The following LAMA3 variants were observed in gnomAD, a reference collection of about 807,000 sequenced individuals.
LAMA3 encodes the protein laminin subunit alpha-3.
LAMA3 carries 281 observed loss-of-function variants against 402.0 expected under a neutral mutation model. That is an observed-to-expected ratio of 0.70 (90% CI 0.63 to 0.77). The LOEUF is 0.77. Ranked by LOEUF, LAMA3 falls within the 30% of genes least tolerant of loss-of-function variation. LAMA3 has a pLI of 0.00. For missense variants in LAMA3, 3,840 were observed against 4,215.5 expected, an observed-to-expected ratio of 0.91 and a Z score of 2.47; for synonymous variants, 1,431 against 1,558.4, an observed-to-expected ratio of 0.92 and a Z score of 1.93.
chr18:23,899,040 T>C lies in LAMA3; in HGVS notation c.5811T>C (p.Ile1937=), dbSNP rs779455721. Residue 1937 remains isoleucine, a synonymous_variant, in exon 46 of 75, where the codon ATT becomes ATC. Coordinates refer to ENST00000313654, the MANE Select transcript of LAMA3 (RefSeq NM_198129.4). The part of the protein sequence containing the change: ...TQSAKELDVK[I]KNVIRNVHIL... ...GCGCAAAAGAACTGGATGTGAAGATTAAAAATGTCATCCGGAATGTGCACA... is the reference window on the plus strand; with the variant it reads ...GCGCAAAAGAACTGGATGTGAAGATCAAAAATGTCATCCGGAATGTGCACA... 6.2e-7 allele frequency: 1 copy of C among 1,613,614 alleles called. No homozygotes were observed. The highest frequency in any genetic ancestry group is 1.3e-5 in the African/African-American group (1 of 74,922).
chr18:23,797,143 G>A (rs2062779275), intron 12 of LAMA3, among the ~76,000 whole-genome samples: 1 of 152,226 alleles, frequency 6.6e-6, no homozygotes, highest in African/African-American at 2.4e-5. Flanking sequence ...ACTGCCTCGT[G>A]TGCTGTTGAG....
intron 73 of LAMA3, among the ~76,000 whole-genome samples, chr18:23,952,359 G>A (rs2082946300): frequency 6.6e-6 from 1 of 152,116 alleles, no homozygotes; most frequent in African/African-American, 2.4e-5. Flanking sequence ...TAATATTAAT[G>A]CTAACTATTT....
chr18:23,871,632 C>A lies in LAMA3; in HGVS notation c.4969C>A (p.Pro1657Thr). The A allele has an allele frequency of 1.2e-6, 2 of 1,611,920 alleles. No individual in the cohort carries two copies. Among genetic ancestry groups the A allele is most frequent in the Non-Finnish European group, 8.5e-7 (1 of 1,178,964 alleles). Residue 1657 changes from proline to threonine, a missense_variant, in exon 38 of 75, where the codon CCC becomes ACC. Pro to Thr is a conservative substitution (Grantham distance 38). Transcript: ENST00000313654. ...IALAVEICAC[P>T]PAYAGDSCQG... ...ACTTGCTGTGGAAATCTGTGCCTGC[C>A]CCCCTGCCTACGCTGGTGACTCTTG... is the stretch of plus-strand genomic sequence containing the variant.
chr18:23,819,000 G>C (rs1332410833), intron 18 of LAMA3, among the ~76,000 whole-genome samples: 1 of 151,974 alleles, frequency 6.6e-6, no homozygotes, highest in South Asian at 2.1e-4. Flanking sequence ...AGAATTACTG[G>C]GTCAATATGT....
At chr18:23,940,414 C>T (rs764531999) in intron 68 of LAMA3, among the ~76,000 whole-genome samples, 23 of 152,240 alleles carry the variant, frequency 1.5e-4, no homozygotes, top group Non-Finnish European at 3.1e-4. Flanking sequence ...ATGGCAGCCC[C>T]ACTGTGCTCC....
intron 1 of LAMA3, among the ~76,000 whole-genome samples, chr18:23,712,235 C>T (rs1025829703): frequency 2.0e-5 from 3 of 151,864 alleles, no homozygotes; most frequent in African/African-American, 2.4e-5. Context: ...ACAAAATTAG[C>T]CGGGCGTGGT....
At chr18:23,775,163 C>G (rs1474951527) in intron 9 of LAMA3, among the ~76,000 whole-genome samples, 1 of 152,182 alleles carries the variant, frequency 6.6e-6, no homozygotes, top group African/African-American at 2.4e-5. Context: ...CCTGCCAGGT[C>G]AAGGGAGGCC....
At chr18:23,928,816 T>A in intron 64 of LAMA3, 51 bp downstream of exon 64, 1 of 1,545,584 alleles carries the variant, frequency 6.5e-7, no homozygotes. Flanking sequence ...GACTCAAAGT[T>A]TGATGTTAAA....
At chr18:23,842,827 G>A in intron 29 of LAMA3, 77 bp downstream of exon 29, 1 of 1,568,866 alleles carries the variant, frequency 6.4e-7, no homozygotes, top group Non-Finnish European at 8.8e-7. Flanking sequence ...TTTAGCTCAT[G>A]GAAATAATTC....
chr18:23,884,920 A>T, intron 41 of LAMA3, 67 bp downstream of exon 41: 1 of 1,235,254 alleles, frequency 8.1e-7, no homozygotes, highest in Non-Finnish European at 1.2e-6. Flanking sequence ...TGGGGCTGCC[A>T]GGTGCTGGCA....
intron 20 of LAMA3, 47 bp downstream of exon 20, chr18:23,822,422 A>G (rs1428343304): frequency 6.3e-7 from 1 of 1,581,272 alleles, no homozygotes; most frequent in Non-Finnish European, 8.7e-7. Flanking sequence ...ATTAAGAAAT[A>G]AATAGTGAAA....
intron 13 of LAMA3, among the ~76,000 whole-genome samples, chr18:23,811,109 C>G (rs1416740021): frequency 1.3e-5 from 2 of 152,190 alleles, no homozygotes; most frequent in East Asian, 3.9e-4. Flanking sequence ...GAAAACCAAG[C>G]CTGCAGCTGT....
At chr18:23,921,374 A>G (rs1174113230) in intron 61 of LAMA3, 78 bp from the exon 62 acceptor site, 31 of 1,469,438 alleles carry the variant, frequency 2.1e-5, no homozygotes, top group Non-Finnish European at 2.3e-5. Flanking sequence ...ATAAATAAAA[A>G]CATGATAGTT....
intron 66 of LAMA3, among the ~76,000 whole-genome samples, 157 bp from the exon 67 acceptor site, chr18:23,933,625 G>A (rs1403001263): frequency 6.6e-6 from 1 of 152,102 alleles, no homozygotes; most frequent in Non-Finnish European, 1.5e-5. Context: ...CCAAACACTA[G>A]ATCATATTCC....
intron 7 of LAMA3, among the ~76,000 whole-genome samples, chr18:23,759,330 CAAAA>C (rs34457452): frequency 6.2e-5 from 7 of 112,578 alleles, no homozygotes; most frequent in Admixed American, 8.9e-5. Context: ...AAGATCCTGT[CAAAA>C]AAAAAAAAAA....
chr18:23,796,840 C>T (rs1329916490), intron 12 of LAMA3, among the ~76,000 whole-genome samples: 1 of 152,092 alleles, frequency 6.6e-6, no homozygotes, highest in African/African-American at 2.4e-5. Flanking sequence ...TGCCTGGCCT[C>T]ATTGATATTT....
At chr18:23,894,735 A>G (rs180934247) in intron 43 of LAMA3, among the ~76,000 whole-genome samples, 172 bp from the exon 44 acceptor site, 5 of 152,252 alleles carry the variant, frequency 3.3e-5, no homozygotes, top group African/African-American at 1.2e-4. Context: ...CTCCCTGTGC[A>G]CAGGGCTCTC....
chr18:23,780,230 C>T lies in LAMA3; in HGVS notation c.1468+2611C>T, dbSNP rs535673405. Among the ~76,000 whole-genome samples the T allele has an allele frequency of 7.2e-5, 11 of 152,132 alleles. No individual in the cohort carries two copies. The South Asian group carries it at 2.3e-3, about 32-fold the overall frequency. On this transcript the variant is annotated intron_variant, in intron 11 of 74. Transcript: ENST00000313654. ...ATACATGGTTCCTCCTGCCTGGGAG[C>T]TCCCAGTCTGAGACAGAAAGGTCAA... is the stretch of plus-strand genomic sequence containing the variant.
chr18:23,914,118 G>A (rs981458515), intron 56 of LAMA3, among the ~76,000 whole-genome samples: 14 of 152,112 alleles, frequency 9.2e-5, no homozygotes, highest in Non-Finnish European at 1.0e-4. Context: ...TCTGTTGGAC[G>A]GCTGAGTCTA....
Sources: gnomAD v4.1 joint callset for allele counts (sites outside exome capture counted in the v4.1 genomes callset) on GRCh38, gnomAD v4.1.1 for gene constraint, MANE v1.5 for transcripts, NCBI Gene and HGNC (gene_info 2026-07-23, HGNC 2026-07-21) for gene names.